Variants in LAMC3 observed in about 807,000 individuals in gnomAD.
LAMC3 encodes the protein laminin subunit gamma 3.
Under a neutral mutation model 173.8 loss-of-function variants are expected in LAMC3, and 128 were observed. The observed-to-expected ratio is 0.74, with a 90% CI of 0.64 to 0.85. LAMC3 has a LOEUF of 0.85. Ranked by LOEUF, LAMC3 falls within the 40% of genes least tolerant of loss-of-function variation. The pLI, the probability that LAMC3 is intolerant of heterozygous loss-of-function variation, is 0.00. For missense variants in LAMC3, 2,022 were observed against 2,156.0 expected (o/e 0.94, Z 1.23); for synonymous variants, 897 against 909.1 (o/e 0.99, Z 0.24).
intron 1 of LAMC3, among the ~76,000 whole-genome samples, chr9:131,015,212 T>G (rs996104890): frequency 1.3e-5 from 2 of 152,156 alleles, no homozygotes; most frequent in East Asian, 3.9e-4. Context: ...GGTTGCAAGA[T>G]TGCACTGTGT....
intron 21 of LAMC3, 35 bp from the exon 22 acceptor site, chr9:131,077,152 C>A (rs548322851): frequency 1.9e-6 from 3 of 1,611,404 alleles, no homozygotes; most frequent in South Asian, 1.1e-5. Context: ...AGGGCTAGTT[C>A]TGCACCCAGC....
In LAMC3 at chr9:131,056,917, C is replaced by T. The variant is rs1834418302; in HGVS notation, c.1940-12C>T. On this transcript the variant is annotated splice_polypyrimidine_tract_variant and intron_variant, in intron 11 of 27. Coordinates refer to ENST00000361069, the MANE Select transcript of LAMC3 (RefSeq NM_006059.4). ...TGCCTCCTCTCTTCCTCTCTCCCTT[C>T]TCGCTCTGCAGGTCCAGTGTTCCTG... The T allele has an allele frequency of 6.2e-7, 1 of 1,607,980 alleles. No individual in the cohort carries two copies. The highest frequency in any genetic ancestry group is 1.3e-5 in the African/African-American group (1 of 74,880).
chr9:131,059,723 C>T (rs932191039), intron 12 of LAMC3, among the ~76,000 whole-genome samples: 3 of 152,174 alleles, frequency 2.0e-5, no homozygotes, highest in Non-Finnish European at 4.4e-5. Flanking sequence ...TTGTCATCCC[C>T]ACAGAGCCTC....
At chr9:131,030,203 G>A (rs1232161768) in intron 2 of LAMC3, among the ~76,000 whole-genome samples, 2 of 152,172 alleles carry the variant, frequency 1.3e-5, no homozygotes, top group Non-Finnish European at 2.9e-5. Flanking sequence ...GCCTCCCAAA[G>A]TGCTGGCATT....
At chr9:131,024,414 A>G (rs1375589694) in intron 1 of LAMC3, among the ~76,000 whole-genome samples, 4 of 152,142 alleles carry the variant, frequency 2.6e-5, no homozygotes, top group Non-Finnish European at 5.9e-5. Flanking sequence ...CCAAAGTGCT[A>G]GGATTACAGG....
intron 1 of LAMC3, among the ~76,000 whole-genome samples, chr9:131,025,102 CA>C (rs1173581649): frequency 2.0e-5 from 3 of 152,116 alleles, no homozygotes; most frequent in Non-Finnish European, 4.4e-5. Context: ...GTGTAGAAGC[CA>C]GATACTTCCC....
At chr9:131,040,191 T>G (rs913179864) in intron 6 of LAMC3, among the ~76,000 whole-genome samples, 9 of 151,804 alleles carry the variant, frequency 5.9e-5, no homozygotes, top group African/African-American at 2.2e-4. Flanking sequence ...TCTATTTTTT[T>G]TTTTAAGATG....
rs1288962949 is a variant in LAMC3 at position 131,049,062 on chromosome 9, AC to A, written c.1568del (p.Pro523HisfsTer10). ...WWARSVGGSE[H>X]PPQWSPNGVL... ...GCCAGAAGTGTGGGGGGCTCTGAGC[AC>A]CCCCCACAATGGAGCCCAAATGGGG... On this transcript the variant is annotated frameshift_variant, in exon 9 of 28. Transcript: ENST00000361069. LOFTEE classifies it high-confidence loss of function. 8 of 1,551,212 alleles carry A rather than the reference AC, an allele frequency of 5.2e-6. No individual in the cohort carries two copies. In the African/African-American group the frequency reaches 8.2e-5, roughly 16 times the overall value.
chr9:131,025,474 G>A (rs531846436), intron 1 of LAMC3, among the ~76,000 whole-genome samples: 1 of 152,132 alleles, frequency 6.6e-6, no homozygotes, highest in Non-Finnish European at 1.5e-5. Flanking sequence ...GGGGGCATGT[G>A]GGGGAGTGGG....
intron 17 of LAMC3, among the ~76,000 whole-genome samples, chr9:131,070,937 T>C (rs1028437557): frequency 4.6e-5 from 7 of 152,138 alleles, no homozygotes; most frequent in Non-Finnish European, 8.8e-5. Context: ...TCAGAACATT[T>C]TGGACTTGGG....
chr9:131,011,535 G>A (rs896538628), intron 1 of LAMC3, among the ~76,000 whole-genome samples: 2 of 152,160 alleles, frequency 1.3e-5, no homozygotes, highest in Non-Finnish European at 2.9e-5. Flanking sequence ...AGCCCGCTCT[G>A]CAGAGCACAC....
In LAMC3 at chr9:131,079,571, A is replaced by G. The variant is rs1830199430; in HGVS notation, c.3927+273A>G. Among the ~76,000 whole-genome samples the G allele has an allele frequency of 2.0e-5, 3 of 152,250 alleles. No individual in the cohort carries two copies. In the South Asian group the frequency reaches 6.2e-4, roughly 32 times the overall value. ...TAGCCAGGCATGGTGGCATGTGCCT[A>G]TAGTCCCATCTACTTGGGAGGCTGA... On this transcript the variant is annotated intron_variant, in intron 23 of 27. Transcript: ENST00000361069.
chr9:131,084,949 A>AT (rs1157484335), intron 24 of LAMC3, among the ~76,000 whole-genome samples: 1 of 152,130 alleles, frequency 6.6e-6, no homozygotes, highest in Non-Finnish European at 1.5e-5. Flanking sequence ...AAAAAAAAAA[A>AT]AAAAAAAGAG....
chr9:131,072,105 G>A (rs116841045), intron 18 of LAMC3, among the ~76,000 whole-genome samples: 2,034 of 141,216 alleles, frequency 0.014, 18 homozygotes, highest in Middle Eastern at 0.035. Context: ...ATCAGTCCGG[G>A]CAACACAGCA....
rs779134438 is a variant in LAMC3, at chr9:131,032,155, C to T, written c.789C>T (p.Ser263=). Residue 263 remains serine (S), a synonymous_variant, in exon 3 of 28, where the codon TCC becomes TCT. Coordinates refer to ENST00000361069, the MANE Select transcript of LAMC3 (RefSeq NM_006059.4). The part of the protein sequence containing the change: ...KVLQSYYYAV[S]DFSVGGRCKC... ...TCCAGTCCTACTATTATGCCGTGTCCGACTTCTCTGTGGGCGGCAGGTAGG... is the reference window on the plus strand; with the variant it reads ...TCCAGTCCTACTATTATGCCGTGTCTGACTTCTCTGTGGGCGGCAGGTAGG... 2.5e-5 allele frequency: 40 copies of T among 1,613,202 alleles called. No individual in the cohort carries two copies. Among genetic ancestry groups the T allele is most frequent in the Non-Finnish European group, 3.1e-5 (37 of 1,179,920 alleles).
In LAMC3 at chr9:131,093,124, A is replaced by T. The variant is rs1451662758; in HGVS notation, c.*1337A>T. On this transcript the variant is annotated 3_prime_UTR_variant, in exon 28 of 28. Transcript: ENST00000361069. ...CAGGGCCCTGGCTGTGGGTGTGCAT[A>T]TGACACACCTAGTAGGTGGCCAGCA... 2 of 152,148 alleles carry T rather than the reference A, an allele frequency of 1.3e-5. No homozygotes were observed. The highest frequency in any genetic ancestry group is 6.5e-5 in the Admixed American group (1 of 15,272). 9.4% of individuals were successfully genotyped at this position (152,148 alleles called of 1,614,324 possible). A position where few individuals can be genotyped will look rare whatever the true frequency, so the allele number is the denominator to read the frequency against.
Position 131,026,440 on chromosome 9 carries a change from C to T in LAMC3, c.529C>T (p.Gln177Ter). ...GAAGACCTACGGCCGGCCCGAGGGC[C>T]AGTACCTGCGCCCCGGCGAGGACGA... ...CQKTYGRPEGQYLRPGEDERV... is the reference protein window; with the variant it reads ...CQKTYGRPEG The change falls in exon 2 of 28, where the codon CAG becomes TAG. Residue 177 changes from glutamine (Q) to a stop codon, truncating the protein, a stop_gained. Transcript: ENST00000361069. LOFTEE classifies it high-confidence loss of function. This position sits in a 1 kb window ranked among gnomAD's most constrained non-coding sequence, Gnocchi z 4.8. 1 of 1,613,678 alleles carries T rather than the reference C, an allele frequency of 6.2e-7. No homozygotes were observed.
In LAMC3 at chr9:131,038,042, C is replaced by A. The variant is rs565590625; in HGVS notation, c.977-822C>A. On this transcript the variant is annotated intron_variant, in intron 4 of 27. Coordinates refer to ENST00000361069, the MANE Select transcript of LAMC3 (RefSeq NM_006059.4). ...CATGGCACACCCGCACCAGGCCACG[C>A]GTCTGTCTCTGCATGTGGGGTATCC... 2.6e-5 allele frequency among the ~76,000 whole-genome samples: 4 copies of A among 152,162 alleles called. No individual in the cohort carries two copies. The South Asian group carries it at 8.3e-4, about 31-fold the overall frequency.
chr9:131,036,129 C>T, intron 3 of LAMC3, 37 bp from the exon 4 acceptor site: 1 of 1,611,566 alleles, frequency 6.2e-7, no homozygotes, highest in Non-Finnish European at 8.5e-7. Flanking sequence ...CCTGCCGGCA[C>T]CTGCGGGTCC....
Sources: gnomAD v4.1 joint callset for allele counts (sites outside exome capture counted in the v4.1 genomes callset) on GRCh38, gnomAD v4.1.1 for gene constraint, Gnocchi (gnomAD v3.1) non-coding constraint, MANE v1.5 for transcripts, NCBI Gene and HGNC (gene_info 2026-07-23, HGNC 2026-07-21) for gene names.